PDE8A: variants seen among roughly 807,000 people sequenced by gnomAD.
The protein encoded by PDE8A is phosphodiesterase 8A.
PDE8A carries 59 observed loss-of-function variants against 105.0 expected under a neutral mutation model. The ratio of observed to expected loss-of-function variants is 0.56; its 90% CI spans 0.46 to 0.70. The LOEUF (loss-of-function observed/expected upper bound fraction) is 0.70, where lower values mean the gene tolerates loss of function less well. Ranked by LOEUF, PDE8A falls within the 30% of genes least tolerant of loss-of-function variation. The probability of loss-of-function intolerance (pLI) is 0.00; values close to 1 mark genes in which losing one functional copy is unlikely to be tolerated. For missense variants in PDE8A, 1,014 were observed against 1,045.9 expected, an observed-to-expected ratio of 0.97 and a Z score of 0.42; for synonymous variants, 355 against 371.9, an observed-to-expected ratio of 0.95 and a Z score of 0.52.
At chr15:85,011,714 A>C (rs2080242062) in intron 1 of PDE8A, among the ~76,000 whole-genome samples, 1 of 152,220 alleles carries the variant, frequency 6.6e-6, no homozygotes. Context: ...ATTAAACTAA[A>C]GAGCTTCTGC....
chr15:85,075,894 C>A lies in PDE8A; in HGVS notation c.467C>A (p.Thr156Lys). ...AGATCATCAAAACTCTCAGAAAACA[C>A]AGTTATTGTTGGTGTAGTACGCAGG... is the stretch of plus-strand genomic sequence containing the variant. ...SIRSSKLSEN[T>K]VIVGVVRRVD... The change falls in exon 4 of 22, where the codon ACA (threonine) becomes AAA (lysine). Residue 156 changes from threonine (T) to lysine (K), a missense_variant. Thr to Lys is a moderately conservative substitution (Grantham distance 78). Transcript: ENST00000394553. The A allele has an allele frequency of 6.4e-7, 1 of 1,572,998 alleles. No homozygotes were observed. Among genetic ancestry groups the A allele is most frequent in the Non-Finnish European group, 8.7e-7 (1 of 1,146,992 alleles).
At chr15:85,062,832 G>T (rs2081167430) in intron 1 of PDE8A, 1 of 152,220 alleles carries the variant, frequency 6.6e-6, no homozygotes, top group Non-Finnish European at 1.5e-5. Context: ...GTGCAATATT[G>T]TCTAGGTGGG....
chr15:85,032,037 GA>G (rs2080624617), intron 1 of PDE8A, among the ~76,000 whole-genome samples: 1 of 152,188 alleles, frequency 6.6e-6, no homozygotes, highest in Non-Finnish European at 1.5e-5. Context: ...ATGTTACTTT[GA>G]AAAAGTTGTC....
chr15:85,114,412 G>C (rs1423759650), intron 14 of PDE8A, among the ~76,000 whole-genome samples: 1 of 152,226 alleles, frequency 6.6e-6, no homozygotes, highest in Non-Finnish European at 1.5e-5. Flanking sequence ...CCCGCCATAT[G>C]TATTTAAAAT....
chr15:84,986,634 A>G (rs58737779), intron 1 of PDE8A, among the ~76,000 whole-genome samples: 8,524 of 150,204 alleles, frequency 0.057, 603 homozygotes, highest in African/African-American at 0.17. Flanking sequence ...TTTTTTTAAG[A>G]CAGCGTCTTG....
chr15:85,031,394 C>A (rs1338124567), intron 1 of PDE8A, among the ~76,000 whole-genome samples: 2 of 152,136 alleles, frequency 1.3e-5, no homozygotes, highest in Non-Finnish European at 2.9e-5. Flanking sequence ...GTCAAAAACC[C>A]TGCCATTGCT....
intron 1 of PDE8A, among the ~76,000 whole-genome samples, chr15:85,036,823 A>G (rs1303292433): frequency 6.6e-6 from 1 of 152,040 alleles, no homozygotes; most frequent in African/African-American, 2.4e-5. Context: ...TTAAACATCC[A>G]TCAGGCCCCA....
intron 11 of PDE8A, among the ~76,000 whole-genome samples, chr15:85,105,186 G>A (rs2081929429): frequency 1.3e-5 from 2 of 152,034 alleles, no homozygotes; most frequent in Admixed American, 1.3e-4. Context: ...CAGGGTTGGG[G>A]CCATTGTTAG....
chr15:85,022,248 A>G (rs915946489), intron 1 of PDE8A, among the ~76,000 whole-genome samples: 1 of 152,200 alleles, frequency 6.6e-6, no homozygotes, highest in Non-Finnish European at 1.5e-5. Flanking sequence ...AAGGGCAGCT[A>G]GATCTCAGCA....
intron 9 of PDE8A, among the ~76,000 whole-genome samples, chr15:85,099,161 G>T (rs16974844): frequency 6.6e-6 from 1 of 152,140 alleles, no homozygotes; most frequent in African/African-American, 2.4e-5. Context: ...TTCTCAATGT[G>T]TGGTAAATGC....
chr15:84,987,439 G>A (rs1014342707), intron 1 of PDE8A, among the ~76,000 whole-genome samples: 1 of 145,556 alleles, frequency 6.9e-6, no homozygotes, highest in Non-Finnish European at 1.5e-5. Context: ...TTTTCCCTTG[G>A]ATAGCTTACC....
chr15:85,074,283 A>G (rs1486654463), intron 3 of PDE8A, among the ~76,000 whole-genome samples: 1 of 152,216 alleles, frequency 6.6e-6, no homozygotes, highest in Non-Finnish European at 1.5e-5. Flanking sequence ...TCATTTGTGT[A>G]TTATGTGTGA....
intron 1 of PDE8A, among the ~76,000 whole-genome samples, chr15:85,007,489 C>A (rs926979787): frequency 5.3e-5 from 8 of 151,242 alleles, no homozygotes; most frequent in African/African-American, 1.9e-4. Flanking sequence ...AAAAATAAAT[C>A]TATTAGTACA....
intron 1 of PDE8A, among the ~76,000 whole-genome samples, chr15:85,050,156 C>T (rs2080950093): frequency 2.0e-5 from 3 of 152,120 alleles, no homozygotes; most frequent in South Asian, 4.2e-4. Flanking sequence ...GTCCTTTGCC[C>T]ATTTTTGAAT....
intron 1 of PDE8A, among the ~76,000 whole-genome samples, chr15:84,986,013 C>T (rs1211473618): frequency 1.3e-5 from 2 of 151,980 alleles, no homozygotes; most frequent in African/African-American, 4.8e-5. Context: ...TTGCTAGAGC[C>T]CAGGAGTTTG....
intron 1 of PDE8A, among the ~76,000 whole-genome samples, chr15:85,057,632 A>G (rs1054632165): frequency 1.2e-4 from 18 of 152,232 alleles, no homozygotes. Flanking sequence ...TGGGAGCTGT[A>G]GACTGGAGCT....
At chr15:85,109,162 A>T in intron 12 of PDE8A, 32 bp downstream of exon 12, 3 of 1,457,856 alleles carry the variant, frequency 2.1e-6, no homozygotes, top group Non-Finnish European at 2.9e-6. Context: ...AAAAAATGTG[A>T]TCAAATCACT....
At chr15:85,112,701 G>A (rs531207720) in intron 12 of PDE8A, among the ~76,000 whole-genome samples, 36 of 152,300 alleles carry the variant, frequency 2.4e-4, no homozygotes, top group Non-Finnish European at 4.1e-4. Flanking sequence ...GCAGCATTTA[G>A]CCTGATAGGA....
chr15:84,996,614 C>T (rs1020316644), intron 1 of PDE8A, among the ~76,000 whole-genome samples: 55 of 152,046 alleles, frequency 3.6e-4, no homozygotes, highest in African/African-American at 1.3e-3. Flanking sequence ...CACCTGAGGT[C>T]GTAAGTTCAA....
Sources: gnomAD v4.1 joint callset for allele counts (sites outside exome capture counted in the v4.1 genomes callset) on GRCh38, gnomAD v4.1.1 for gene constraint, MANE v1.5 for transcripts, NCBI Gene and HGNC (gene_info 2026-07-23, HGNC 2026-07-21) for gene names.